DLG2: variants seen among roughly 807,000 people sequenced by gnomAD.
DLG2 encodes discs large MAGUK scaffold protein 2, also known as disks large homolog 2.
In DLG2, 45 loss-of-function variants were observed where a neutral mutation model predicts 132.5. The observed-to-expected ratio is 0.34, with a 90% confidence interval of 0.27 to 0.44. DLG2 has a LOEUF of 0.44. DLG2 is among the 20% of genes least tolerant of loss of function. The pLI is 1.00. For synonymous variants in DLG2, 424 were observed against 419.6 expected, an observed-to-expected ratio of 1.01 and a Z score of -0.13; for missense variants, 1,045 against 1,196.9, an observed-to-expected ratio of 0.87 and a Z score of 1.87.
intron 16 of DLG2, among the ~76,000 whole-genome samples, chr11:83,870,362 C>T (rs2063204402): frequency 6.6e-6 from 1 of 152,184 alleles, no homozygotes; most frequent in Admixed American, 6.5e-5. Context: ...GAATATGTGG[C>T]ATTCGTCTTT....
intron 4 of DLG2, among the ~76,000 whole-genome samples, chr11:85,227,244 T>A (rs1281308222): frequency 6.6e-6 from 1 of 152,118 alleles, no homozygotes; most frequent in African/African-American, 2.4e-5. Flanking sequence ...AAATAAATGC[T>A]TTAAATAAAA....
At chr11:84,708,131 T>C (rs1292934113) in intron 6 of DLG2, among the ~76,000 whole-genome samples, 3 of 151,820 alleles carry the variant, frequency 2.0e-5, no homozygotes, top group African/African-American at 4.8e-5. Context: ...AAAAATATTA[T>C]GGAGAAATGG....
chr11:84,947,977 G>A (rs762568970), intron 6 of DLG2, among the ~76,000 whole-genome samples: 2 of 152,160 alleles, frequency 1.3e-5, no homozygotes, highest in African/African-American at 2.4e-5. Context: ...GTACTGGGCC[G>A]TTAGGTAGCT....
chr11:83,724,356 T>C (rs1289488578), intron 18 of DLG2, among the ~76,000 whole-genome samples: 1 of 152,180 alleles, frequency 6.6e-6, no homozygotes, highest in Non-Finnish European at 1.5e-5. Flanking sequence ...AGGACTTGCA[T>C]ACATTAAATG....
At chr11:84,535,542 G>A (rs1381836557) in intron 6 of DLG2, among the ~76,000 whole-genome samples, 1 of 152,138 alleles carries the variant, frequency 6.6e-6, no homozygotes, top group East Asian at 1.9e-4. Context: ...ACAGATATAA[G>A]GAAGTTGGCA....
At chr11:83,654,162 C>A (rs547039622) in intron 18 of DLG2, among the ~76,000 whole-genome samples, 100 of 152,214 alleles carry the variant, frequency 6.6e-4, no homozygotes, top group African/African-American at 2.2e-3. Context: ...CACTTCTCAC[C>A]CAATCTGGTT....
In DLG2 at chr11:83,811,447, A is replaced by C. The variant is rs577096065; in HGVS notation, c.1722+22167T>G. On this transcript the variant is annotated intron_variant, in intron 17 of 27. Coordinates refer to ENST00000376104, the MANE Select transcript of DLG2 (RefSeq NM_001142699.3). Reference sequence around the variant, plus strand: ...GCAACTTCATATGGTTCAGCCTAATAACATTATTAATATCACTAAAAGAAA... The same window carrying C: ...GCAACTTCATATGGTTCAGCCTAATCACATTATTAATATCACTAAAAGAAA... 4.6e-5 allele frequency among the ~76,000 whole-genome samples: 7 copies of C among 152,256 alleles called. No homozygotes were observed. In the East Asian group the frequency reaches 1.4e-3, roughly 29 times the overall value.
chr11:85,132,991 G>T, intron 5 of DLG2: 1 of 339,994 alleles, frequency 2.9e-6, no homozygotes, highest in Middle Eastern at 5.0e-4. Flanking sequence ...ATTCTGCTAG[G>T]CACCAGAAAA....
At chr11:84,048,208 T>C (rs1357564779) in intron 11 of DLG2, among the ~76,000 whole-genome samples, 1 of 151,576 alleles carries the variant, frequency 6.6e-6, no homozygotes, top group Non-Finnish European at 1.5e-5. Flanking sequence ...AGCGGTAATT[T>C]AGCTACAATT....
At chr11:85,406,819 T>C (rs753240004) in intron 3 of DLG2, among the ~76,000 whole-genome samples, 5 of 151,790 alleles carry the variant, frequency 3.3e-5, no homozygotes, top group South Asian at 2.1e-4. Context: ...GTGAAATATA[T>C]ATAGTATAAA....
chr11:84,678,191 C>A (rs2099719338), intron 6 of DLG2, among the ~76,000 whole-genome samples: 1 of 152,060 alleles, frequency 6.6e-6, no homozygotes, highest in Admixed American at 6.6e-5. Flanking sequence ...TTTTCTCTTC[C>A]TTTCTCTCAG....
chr11:84,779,403 A>G (rs1367093218), intron 6 of DLG2, among the ~76,000 whole-genome samples: 1 of 151,992 alleles, frequency 6.6e-6, no homozygotes, highest in African/African-American at 2.4e-5. Context: ...ATTTTTATAC[A>G]TTGATTTTAT....
At chr11:84,352,633 C>T (rs924422104) in intron 7 of DLG2, among the ~76,000 whole-genome samples, 5 of 152,260 alleles carry the variant, frequency 3.3e-5, no homozygotes, top group African/African-American at 1.2e-4. Flanking sequence ...TGTTGCTTAT[C>T]TGCTGGCTCA....
In DLG2 at chr11:84,822,702, G is replaced by C. The variant is rs74737855; in HGVS notation, c.358-287971C>G. ...TACATTGTATTTTCTTATGGAGAGA[G>C]AAGGACTGGTCTTTGGAAACCTTGA... On this transcript the variant is annotated intron_variant, in intron 6 of 27. Transcript: ENST00000376104. Among the ~76,000 whole-genome samples the C allele has an allele frequency of 1.1e-3, 168 of 151,984 alleles. 1 individual carries two copies. The East Asian group carries it at 0.028, about 25-fold the overall frequency.
chr11:83,817,792 C>A (rs1043091343), intron 17 of DLG2, among the ~76,000 whole-genome samples: 1 of 152,106 alleles, frequency 6.6e-6, no homozygotes, highest in South Asian at 2.1e-4. Flanking sequence ...GAGAGGATTG[C>A]GTGAGCCCAG....
At chr11:83,603,643 A>G (rs1461468047) in intron 19 of DLG2, among the ~76,000 whole-genome samples, 2 of 70,546 alleles carry the variant, frequency 2.8e-5, no homozygotes, top group African/African-American at 1.9e-4. Flanking sequence ...CCTCTCTAAC[A>G]CTTGAATCAA....
rs116989117 is a variant in DLG2, at chr11:84,435,021, G to A, written c.519+99549C>T. Among the ~76,000 whole-genome samples the A allele has an allele frequency of 4.0e-5, 6 of 150,832 alleles. No individual in the cohort carries two copies. The East Asian group carries it at 1.2e-3, about 29-fold the overall frequency. On this transcript the variant is annotated intron_variant, in intron 7 of 27. Coordinates refer to ENST00000376104, the MANE Select transcript of DLG2 (RefSeq NM_001142699.3). ...TATATCTCCCCAAATGCTAAAATATGATCTTTCACAATTAAGTATACTGGT... is the reference window on the plus strand; with the variant it reads ...TATATCTCCCCAAATGCTAAAATATAATCTTTCACAATTAAGTATACTGGT...
At chr11:85,476,608 T>C (rs563278556) in intron 3 of DLG2, among the ~76,000 whole-genome samples, 2 of 152,282 alleles carry the variant, frequency 1.3e-5, no homozygotes, top group East Asian at 3.9e-4. Flanking sequence ...AGATTTTTTC[T>C]ATTTTTAATT....
chr11:83,525,828 C>T (rs1447550599), intron 21 of DLG2, among the ~76,000 whole-genome samples: 1 of 152,196 alleles, frequency 6.6e-6, no homozygotes, highest in African/African-American at 2.4e-5. Context: ...CACTTTGAAG[C>T]TGTGACAAAA....
Sources: allele counts gnomAD v4.1 joint callset (sites outside exome capture counted in the v4.1 genomes callset), GRCh38; gene constraint gnomAD v4.1.1; transcripts MANE v1.5; gene names NCBI Gene and HGNC (gene_info 2026-07-23, HGNC 2026-07-21).